KCNJ4: variants seen among roughly 807,000 people sequenced by gnomAD.
The protein encoded by KCNJ4 is potassium inwardly rectifying channel subfamily J member 4, also known as inward rectifier potassium channel 4.
KCNJ4 carries 3 observed loss-of-function variants against 25.6 expected under a neutral mutation model. The observed-to-expected ratio is 0.12, with a 90% confidence interval of 0.05 to 0.30. KCNJ4 has a LOEUF of 0.30. KCNJ4 is among the 10% of genes least tolerant of loss of function. The pLI is 1.00. For missense variants in KCNJ4, 286 were observed against 666.8 expected, an observed-to-expected ratio of 0.43 and a Z score of 6.29; for synonymous variants, 257 against 283.9, an observed-to-expected ratio of 0.91 and a Z score of 0.95.
chr22:38,439,394 T>C (rs2089315943), intron 1 of KCNJ4, among the ~76,000 whole-genome samples: 2 of 151,914 alleles, frequency 1.3e-5, no homozygotes, highest in Admixed American at 1.3e-4. Flanking sequence ...GTCACACCAT[T>C]GCACTCTAGC....
chr22:38,440,918 G>A (rs529991830), intron 1 of KCNJ4, among the ~76,000 whole-genome samples: 212 of 152,318 alleles, frequency 1.4e-3, no homozygotes, highest in African/African-American at 4.7e-3. Context: ...TCTACCTGAC[G>A]TCAGATCCCG....
At chr22:38,452,599 G>A (rs2089416624) in intron 1 of KCNJ4, among the ~76,000 whole-genome samples, 1 of 152,136 alleles carries the variant, frequency 6.6e-6, no homozygotes, top group African/African-American at 2.4e-5. Context: ...CTTTCGTCCC[G>A]GTGCCAATCT....
intron 1 of KCNJ4, among the ~76,000 whole-genome samples, chr22:38,440,022 C>T (rs1482972265): frequency 6.6e-6 from 1 of 150,488 alleles, no homozygotes; most frequent in Non-Finnish European, 1.5e-5. Flanking sequence ...ACCTGGGAGA[C>T]GGAGCTTGCA....
At chr22:38,428,747 C>T (rs112384396) in intron 1 of KCNJ4, among the ~76,000 whole-genome samples, 3,293 of 152,236 alleles carry the variant, frequency 0.022, 119 homozygotes, top group Admixed American at 0.1. Flanking sequence ...ATGTGGTCAA[C>T]GGCCACCACA....
chr22:38,453,962 A>C (rs1417710224), intron 1 of KCNJ4, among the ~76,000 whole-genome samples: 1 of 152,100 alleles, frequency 6.6e-6, no homozygotes, highest in Non-Finnish European at 1.5e-5. Flanking sequence ...TGCTCCCCTC[A>C]GCACAGGCCA....
Position 38,427,840 on chromosome 22 carries a change from C to T in KCNJ4, c.293G>A (p.Gly98Asp), listed in dbSNP as rs2093037653. The T allele has an allele frequency of 1.2e-6, 2 of 1,608,908 alleles. No homozygotes were observed. Among genetic ancestry groups the T allele is most frequent in the African/African-American group, 1.3e-5 (1 of 74,792 alleles). ...EASPGVPAAG[G>D]PAAGGGGAAP... ...TGCTCCGCCACCACCCGCCGCCGGGCCCCCCGCCGCAGGCACCCCTGGGCT... is the reference window on the plus strand; with the variant it reads ...TGCTCCGCCACCACCCGCCGCCGGGTCCCCCGCCGCAGGCACCCCTGGGCT... Residue 98 changes from glycine (G) to aspartate (D), a missense_variant, in exon 2 of 2, where the codon GGC (glycine) becomes GAC (aspartate). By Grantham distance (94) the Gly-to-Asp change is moderately conservative. This residue lies in a region of KCNJ4 where 22 missense variants were observed against 25.8 expected (regional missense o/e 0.85). Transcript: ENST00000303592.
chr22:38,447,368 G>A (rs1404008651), intron 1 of KCNJ4, among the ~76,000 whole-genome samples: 3 of 152,174 alleles, frequency 2.0e-5, no homozygotes, highest in Admixed American at 6.5e-5. Flanking sequence ...CCATGGGCAC[G>A]AGGTTTGAAG....
intron 1 of KCNJ4, among the ~76,000 whole-genome samples, chr22:38,442,079 C>T (rs2089338888): frequency 6.6e-6 from 1 of 152,070 alleles, no homozygotes; most frequent in African/African-American, 2.4e-5. Context: ...ACATTGGCTG[C>T]TCCGGGGAGG....
Position 38,427,316 on chromosome 22 carries a change from C to T in KCNJ4, c.817G>A (p.Gly273Ser). The T allele has an allele frequency of 6.2e-7, 1 of 1,614,022 alleles. No individual in the cohort carries two copies. Among genetic ancestry groups the T allele is most frequent in the Non-Finnish European group, 8.5e-7 (1 of 1,180,008 alleles). Residue 273 changes from glycine to serine, a missense_variant, in exon 2 of 2, where the codon GGC becomes AGC. Coordinates refer to ENST00000303592, the MANE Select transcript of KCNJ4 (RefSeq NM_152868.3). ...GACTCCAGCTCCTCCTTGCCCATGC[C>T]ATAAAGCGGGCTGTCCTCGTCGATC... Reference protein sequence around the residue: ...HEIDEDSPLYGMGKEELESED... With the variant: ...HEIDEDSPLYSMGKEELESED...
chr22:38,428,780 A>G (rs1436598859), intron 1 of KCNJ4, among the ~76,000 whole-genome samples: 1 of 152,158 alleles, frequency 6.6e-6, no homozygotes, highest in East Asian at 1.9e-4. Context: ...GACACAGGAG[A>G]GTTCTATCAC....
At chr22:38,442,608 G>A (rs111249897) in intron 1 of KCNJ4, among the ~76,000 whole-genome samples, 5 of 150,998 alleles carry the variant, frequency 3.3e-5, no homozygotes, top group African/African-American at 4.9e-5. Flanking sequence ...TATGGGCTGC[G>A]TGGCTTTGGG....
At chr22:38,432,026 C>A (rs893041974) in intron 1 of KCNJ4, among the ~76,000 whole-genome samples, 3 of 151,408 alleles carry the variant, frequency 2.0e-5, no homozygotes, top group African/African-American at 7.3e-5. Flanking sequence ...GAGGCTGAAG[C>A]GGGCGGATCA....
intron 1 of KCNJ4, among the ~76,000 whole-genome samples, chr22:38,452,423 C>T (rs1018293520): frequency 2.6e-5 from 4 of 152,214 alleles, no homozygotes; most frequent in African/African-American, 9.6e-5. Context: ...TGCCTCTAGC[C>T]GCTGCCCCCA....
intron 1 of KCNJ4, among the ~76,000 whole-genome samples, chr22:38,451,809 G>C (rs2089412024): frequency 6.6e-6 from 1 of 151,774 alleles, no homozygotes; most frequent in Non-Finnish European, 1.5e-5. Context: ...AACCATCACT[G>C]TGACCCTGAT....
intron 1 of KCNJ4, among the ~76,000 whole-genome samples, chr22:38,452,424 G>A (rs578242113): frequency 3.9e-5 from 6 of 152,250 alleles, no homozygotes; most frequent in East Asian, 1.9e-4. Context: ...GCCTCTAGCC[G>A]CTGCCCCCAG....
intron 1 of KCNJ4, among the ~76,000 whole-genome samples, chr22:38,453,489 G>A (rs1459794153): frequency 6.6e-6 from 1 of 152,020 alleles, no homozygotes; most frequent in Non-Finnish European, 1.5e-5. Context: ...AGCTATTTCC[G>A]CCATATTCCC....
At position 38,426,949 on chromosome 22, in the gene KCNJ4, G is replaced by A. The variant is rs879187515; in HGVS notation, c.1184C>T (p.Ala395Val). ...EEMEEEAAAA[A>V]AVAAGLGLEA... is the part of the protein sequence containing the mutation. ...CAGGCCCAGGCCTGCGGCCACCGCG[G>A]CCGCCGCAGCTGCCTCCTCCTCCAT... Residue 395 changes from alanine (A) to valine (V), a missense_variant, in exon 2 of 2, where the codon GCC (alanine) becomes GTC (valine). Ala to Val is a moderately conservative substitution (Grantham distance 64). Around this residue, in one of 11 missense-constraint regions of KCNJ4, gnomAD observed 77 missense variants for 97.6 expected, o/e 0.79. Transcript: ENST00000303592. The A allele has an allele frequency of 3.1e-6, 5 of 1,612,356 alleles. No homozygotes were observed. The highest frequency in any genetic ancestry group is 1.3e-5 in the African/African-American group (1 of 74,858).
rs1332863373 is a variant in KCNJ4, at chr22:38,449,640, C to T, written c.-40+5340G>A. Among the ~76,000 whole-genome samples the T allele has an allele frequency of 6.6e-6, 1 of 152,238 alleles. No homozygotes were observed. Among genetic ancestry groups the T allele is most frequent in the Non-Finnish European group, 1.5e-5 (1 of 68,036 alleles). On this transcript the variant is annotated intron_variant, in intron 1 of 1. Coordinates refer to ENST00000303592, the MANE Select transcript of KCNJ4 (RefSeq NM_152868.3). This position sits in a 1 kb window ranked among gnomAD's most constrained non-coding sequence, Gnocchi z 5.2. ...GAGGGGCAGGGGCCACACGCCAGCA[C>T]TCCTCCCCACCGGTTTCCCACCCTG...
rs754561986 is a variant in KCNJ4, at chr22:38,426,707, G to C, written c.*88C>G. The C allele has an allele frequency of 4.0e-4, 596 of 1,478,978 alleles. 2 individuals are homozygous for C. Among genetic ancestry groups the C allele is most frequent in the Admixed American group, 4.7e-4 (22 of 46,982 alleles). The allele number at this position is 1,478,978 out of a possible 1,614,324, so 91.6% of individuals were successfully genotyped here. A position where few individuals can be genotyped will look rare whatever the true frequency, so the allele number is the denominator to read the frequency against. Reference sequence around the variant, plus strand: ...CAGAAGGTCCACGGAGCCAGGGTTGGCTCTGTCCTGAGTGTGGGAGGGGGT... The same window carrying C: ...CAGAAGGTCCACGGAGCCAGGGTTGCCTCTGTCCTGAGTGTGGGAGGGGGT... On this transcript the variant is annotated 3_prime_UTR_variant, in exon 2 of 2. Coordinates refer to ENST00000303592, the MANE Select transcript of KCNJ4 (RefSeq NM_152868.3).
Sources: allele counts gnomAD v4.1 joint callset (sites outside exome capture counted in the v4.1 genomes callset), GRCh38; gene constraint gnomAD v4.1.1; regional missense constraint gnomAD v4.1.1; non-coding constraint Gnocchi (gnomAD v3.1); transcripts MANE v1.5; gene names NCBI Gene and HGNC (gene_info 2026-07-23, HGNC 2026-07-21).